HCFC1: variants seen among roughly 807,000 people sequenced by gnomAD.
HCFC1 encodes host cell factor C1.
A neutral mutation model predicts 105.5 loss-of-function variants in HCFC1; 7 were observed. That is an observed-to-expected ratio of 0.07 (90% CI 0.04 to 0.12). HCFC1 has a LOEUF of 0.12. Among genes scored for constraint, HCFC1 ranks in the 10% least tolerant of loss-of-function variants. HCFC1 has a pLI of 1.00. For missense variants in HCFC1, 1,065 were observed against 1,823.6 expected, an observed-to-expected ratio of 0.58 and a Z score of 7.58; for synonymous variants, 918 against 828.1, an observed-to-expected ratio of 1.11 and a Z score of -1.86.
chrX:153,963,496 G>T, intron 3 of HCFC1, 63 bp from the exon 4 acceptor site: 1 of 819,347 alleles, frequency 1.2e-6, no homozygotes, highest in Non-Finnish European at 1.8e-6. Flanking sequence ...TCGCTGGATG[G>T]CTATCAGTGA....
chrX:153,949,985 G>T (rs782811433), intron 24 of HCFC1, among the ~76,000 whole-genome samples: 3 of 111,621 alleles, frequency 2.7e-5, no homozygotes, highest in African/African-American at 9.8e-5. Context: ...TTCGGGCCTG[G>T]AAACCTACAC....
At chrX:153,967,129 G>A (rs934408231) in intron 1 of HCFC1, among the ~76,000 whole-genome samples, 1 of 111,923 alleles carries the variant, frequency 8.9e-6, no homozygotes, top group Non-Finnish European at 1.9e-5. Flanking sequence ...TCCTGGTTCC[G>A]CCCCCTGAAA....
chrX:153,950,691 G>T, intron 23 of HCFC1, 122 bp downstream of exon 23: 1 of 865,276 alleles, frequency 1.2e-6, no homozygotes, highest in Non-Finnish European at 1.6e-6. Context: ...CCCCCAAGTG[G>T]AAGGACTAAG....
At chrX:153,959,264 A>G in intron 9 of HCFC1, 67 bp downstream of exon 9, 1 of 1,093,297 alleles carries the variant, frequency 9.1e-7, no homozygotes. Flanking sequence ...TGAACCCCTC[A>G]GTACACTTGC....
rs2065395675 is a variant in HCFC1 at position 153,958,085 on chromosome X, C to T, written c.1968G>A (p.Gly656=). 1 of 1,211,951 alleles carries T rather than the reference C, an allele frequency of 8.3e-7. No individual in the cohort carries two copies. The highest frequency in any genetic ancestry group is 3.0e-5 in the East Asian group (1 of 33,845). The change falls in exon 11 of 26, where the codon GGG becomes GGA. Residue 656 remains glycine (G), a synonymous_variant. Coordinates refer to ENST00000310441, the MANE Select transcript of HCFC1 (RefSeq NM_005334.3). ...QAQVVTTVVG[G]VTKTITLVKS... is the part of the protein sequence containing the mutation. ...TCACCAGGGTGATGGTCTTGGTGAC[C>T]CCGCCCACAACTGTGGTCACCACCT...
Position 153,949,337 on chromosome X carries a change from C to A in HCFC1, c.*10G>T, listed in dbSNP as rs1557111837. ...TCTGGAGAAGAATCCAGGGGCTAGTCAGCTTCCTCTCACTGACCATCGGCC... is the reference window on the plus strand; with the variant it reads ...TCTGGAGAAGAATCCAGGGGCTAGTAAGCTTCCTCTCACTGACCATCGGCC... On this transcript the variant is annotated 3_prime_UTR_variant, in exon 26 of 26. Transcript: ENST00000310441. The A allele has an allele frequency of 8.3e-7, 1 of 1,201,635 alleles. No individual in the cohort carries two copies. Among genetic ancestry groups the A allele is most frequent in the Non-Finnish European group, 1.1e-6 (1 of 888,275 alleles).
At chrX:153,957,085 G>T in intron 13 of HCFC1, 25 bp from the exon 14 acceptor site, 1 of 1,198,236 alleles carries the variant, frequency 8.3e-7, no homozygotes, top group South Asian at 1.8e-5. Context: ...GGGGCCCAGG[G>T]GAGACAGGCT....
rs1306231782 is a variant in HCFC1 at position 153,952,984 on chromosome X, G to A, written c.4498-26C>T. ...CTGCAGGATGTCAACAGCAGAGAAG[G>A]GCATGTCAGAAGTTTCTGTGTTGGC... On this transcript the variant is annotated intron_variant, in intron 18 of 25. Coordinates refer to ENST00000310441, the MANE Select transcript of HCFC1 (RefSeq NM_005334.3). The A allele has an allele frequency of 5.3e-5, 60 of 1,131,082 alleles. No homozygotes were observed. In the Middle Eastern group the frequency reaches 9.5e-4, roughly 18 times the overall value. 93.2% of individuals were successfully genotyped at this position (1,131,082 alleles called of 1,213,427 possible).
rs1569546672 is a variant in HCFC1 at position 153,952,707 on chromosome X, G to T, written c.4749C>A (p.Asp1583Glu). Residue 1583 changes from aspartate to glutamate, a missense_variant, in exon 19 of 26, where the codon GAC becomes GAA. By Grantham distance (45) the Asp-to-Glu change is conservative. This residue lies in a region of HCFC1 where 546 missense variants were observed against 599.9 expected (regional missense o/e 0.91). Transcript: ENST00000310441. ...TTAGCTCTTGGGGAAGTGATAACTG[G>T]TCTACTTCGGACTGTGTGGGTGGGG... ...QPPPPTQSEVDQLSLPQELMA... is the reference protein window; with the variant it reads ...QPPPPTQSEVEQLSLPQELMA... The T allele has an allele frequency of 1.7e-6, 2 of 1,208,887 alleles. No homozygotes were observed. The highest frequency in any genetic ancestry group is 3.0e-5 in the East Asian group (1 of 33,749).
chrX:153,950,571 C>T (rs1557112204), intron 23 of HCFC1, 28 bp from the exon 24 acceptor site: 3 of 1,130,487 alleles, frequency 2.7e-6, no homozygotes, highest in South Asian at 4.2e-5. Context: ...AGAAGGTCAA[C>T]AGAACAGGCT....
At chrX:153,953,187 G>A in intron 18 of HCFC1, 2 of 446,091 alleles carry the variant, frequency 4.5e-6, no homozygotes, top group East Asian at 7.4e-5. Flanking sequence ...TTCCTTGTGG[G>A]CCTAAGTTTT....
At position 153,950,491 on chromosome X, in the gene HCFC1, T is replaced by C. The variant is rs1557112162; in HGVS notation, c.5756A>G (p.Lys1919Arg). The C allele has an allele frequency of 1.7e-6, 2 of 1,186,613 alleles. No individual in the cohort carries two copies. The highest frequency in any genetic ancestry group is 1.1e-6 in the Non-Finnish European group (1 of 881,098). ...TWEPPSVTSG[K>R]IIEYSVYLAI... is the part of the protein sequence containing the mutation. ...CAGGTACACGGAGTACTCGATAATC[T>C]TGCCGGAGGTCACAGAGGGTGGCTC... is the stretch of plus-strand genomic sequence containing the variant. Residue 1919 changes from lysine (K) to arginine (R), a missense_variant, in exon 24 of 26, where the codon AAG (lysine) becomes AGG (arginine). Physicochemically the swap from Lys to Arg is conservative, Grantham distance 26. Around this residue, in one of 17 missense-constraint regions of HCFC1, gnomAD observed 32 missense variants for 68.3 expected, o/e 0.47. Coordinates refer to ENST00000310441, the MANE Select transcript of HCFC1 (RefSeq NM_005334.3).
At chrX:153,959,601 G>A in intron 8 of HCFC1, 110 bp from the exon 9 acceptor site, 1 of 1,003,315 alleles carries the variant, frequency 1.0e-6, no homozygotes, top group South Asian at 2.1e-5. Context: ...TGGGAGTCTG[G>A]CTCTTCTCTG....
rs1557117451 is a variant in HCFC1 at position 153,963,212 on chromosome X, C to A, written c.712+13G>T. The stretch of plus-strand genomic sequence containing the variant: ...TTGTCCCATGGCTGCTGGGGTGCTA[C>A]CACCCTGCTCACCAATATCTAGGGT... On this transcript the variant is annotated intron_variant, in intron 4 of 25. Transcript: ENST00000310441. The A allele has an allele frequency of 2.5e-6, 3 of 1,187,742 alleles. No individual in the cohort carries two copies. In the Admixed American group the frequency reaches 6.5e-5, roughly 26 times the overall value.
intron 1 of HCFC1, chrX:153,970,017 G>A (rs1431419562): frequency 2.7e-5 from 3 of 113,090 alleles, no homozygotes; most frequent in Non-Finnish European, 5.6e-5. Flanking sequence ...ACCCGGGTCG[G>A]CGGATGTTAA....
At chrX:153,966,194 A>G (rs781854378) in intron 1 of HCFC1, among the ~76,000 whole-genome samples, 1 of 111,664 alleles carries the variant, frequency 9.0e-6, no homozygotes, top group African/African-American at 3.3e-5. Context: ...TGGGCAACAG[A>G]GCAAGACCTA....
At chrX:153,957,166 TCTC>T in intron 13 of HCFC1, 106 bp from the exon 14 acceptor site, 1 of 1,008,942 alleles carries the variant, frequency 9.9e-7, no homozygotes, top group Admixed American at 2.6e-5. Context: ...GCCCTGCCCA[TCTC>T]CTCACTACCC....
chrX:153,954,946 C>T lies in HCFC1; in HGVS notation c.3453G>A (p.Val1151=). The change falls in exon 17 of 26, where the codon GTG becomes GTA. Residue 1151 remains valine (V), a synonymous_variant. Coordinates refer to ENST00000310441, the MANE Select transcript of HCFC1 (RefSeq NM_005334.3). ...AGTPAVIRIS[V]ATGALEAAQG... is the part of the protein sequence containing the mutation. ...GGGCTGCCTCCAGCGCCCCAGTGGC[C>T]ACACTGATCCGGATCACGGCAGGGG... 1.5e-5 allele frequency: 18 copies of T among 1,197,463 alleles called. No homozygotes were observed. The highest frequency in any genetic ancestry group is 5.2e-5 in the African/African-American group (3 of 57,839).
intron 8 of HCFC1, 81 bp from the exon 9 acceptor site, chrX:153,959,572 T>C: frequency 9.0e-7 from 1 of 1,105,051 alleles, no homozygotes; most frequent in Non-Finnish European, 1.2e-6. Context: ...CCTGAGCCAC[T>C]TCTGTTGGCC....
Sources: gnomAD v4.1 joint callset for allele counts (sites outside exome capture counted in the v4.1 genomes callset) on GRCh38, gnomAD v4.1.1 for gene constraint, gnomAD v4.1.1 regional missense constraint, MANE v1.5 for transcripts, NCBI Gene and HGNC (gene_info 2026-07-23, HGNC 2026-07-21) for gene names.